The following ASTN1 variants were observed in gnomAD, a reference collection of about 807,000 sequenced individuals.
ASTN1 encodes astrotactin 1.
In ASTN1, 41 loss-of-function variants were observed where a neutral mutation model predicts 140.7. The observed-to-expected ratio is 0.29, with a 90% confidence interval of 0.23 to 0.38. The LOEUF is 0.38. ASTN1 is among the 10% of genes least tolerant of loss of function. The pLI, the probability that ASTN1 is intolerant of heterozygous loss-of-function variation, is 1.00. For synonymous variants in ASTN1, 640 were observed against 652.2 expected, an observed-to-expected ratio of 0.98 and a Z score of 0.29; for missense variants, 1,479 against 1,678.8, an observed-to-expected ratio of 0.88 and a Z score of 2.08.
chr1:177,063,415 G>T (rs1393868293), intron 1 of ASTN1, among the ~76,000 whole-genome samples: 2 of 152,132 alleles, frequency 1.3e-5, no homozygotes, highest in African/African-American at 4.8e-5. Context: ...TGGGCAGAGG[G>T]TGTGAGGACG....
chr1:176,946,001 A>G lies in ASTN1; in HGVS notation c.2174T>C (p.Phe725Ser), dbSNP rs748874429. ...GTTGTAACCAAAGAACATCTCCCCA[A>G]AGAGGGTCTGGTTCATGGGAAGCTC... ...SRELPMNQTL[F>S]GEMFFGYNNH... The change falls in exon 13 of 23, where the codon TTT becomes TCT. Residue 725 changes from phenylalanine to serine, a missense_variant. Physicochemically the swap from Phe to Ser is radical, Grantham distance 155. Transcript: ENST00000361833. 1.2e-6 allele frequency: 2 copies of G among 1,614,110 alleles called. No individual in the cohort carries two copies. Among genetic ancestry groups the G allele is most frequent in the Non-Finnish European group, 1.7e-6 (2 of 1,179,982 alleles).
At chr1:177,001,747 C>G (rs1051219579) in intron 8 of ASTN1, among the ~76,000 whole-genome samples, 2 of 152,200 alleles carry the variant, frequency 1.3e-5, no homozygotes, top group Admixed American at 6.5e-5. Flanking sequence ...CCCACACCTG[C>G]AGGGCAGAGT....
intron 12 of ASTN1, among the ~76,000 whole-genome samples, chr1:176,948,250 A>G (rs1672035021): frequency 6.6e-6 from 1 of 150,946 alleles, no homozygotes; most frequent in Non-Finnish European, 1.5e-5. Flanking sequence ...AGTTTGTGGC[A>G]TAAAGTAAGT....
chr1:177,038,843 A>AAGGAAG (rs1162414861), intron 2 of ASTN1, among the ~76,000 whole-genome samples: 1 of 152,204 alleles, frequency 6.6e-6, no homozygotes, highest in Non-Finnish European at 1.5e-5. Flanking sequence ...ACAGGCATAA[A>AAGGAAG]AGGAAGACAA....
chr1:177,076,278 CAAAAA>C (rs1171864161), intron 1 of ASTN1, among the ~76,000 whole-genome samples: 1 of 77,748 alleles, frequency 1.3e-5, no homozygotes, highest in Non-Finnish European at 2.4e-5. Flanking sequence ...GACTATGTCT[CAAAAA>C]AAAAAAAAAA....
intron 1 of ASTN1, among the ~76,000 whole-genome samples, chr1:177,096,129 C>T (rs1680014638): frequency 6.6e-6 from 1 of 152,182 alleles, no homozygotes; most frequent in Non-Finnish European, 1.5e-5. Flanking sequence ...ACTTATCCCA[C>T]CATTTGTATT....
At chr1:176,966,837 A>T (rs34689615) in intron 8 of ASTN1, among the ~76,000 whole-genome samples, 7,206 of 152,060 alleles carry the variant, frequency 0.047, 209 homozygotes, top group African/African-American at 0.075. Context: ...AAATATTAAC[A>T]GTTATATCAT....
At chr1:176,929,747 G>A (rs184759176) in intron 16 of ASTN1, among the ~76,000 whole-genome samples, 4 of 152,320 alleles carry the variant, frequency 2.6e-5, no homozygotes, top group South Asian at 2.1e-4. Context: ...GGTGGCTCAC[G>A]CCAGTAATCC....
At chr1:177,090,940 G>T (rs939091748) in intron 1 of ASTN1, among the ~76,000 whole-genome samples, 3 of 151,800 alleles carry the variant, frequency 2.0e-5, no homozygotes, top group Non-Finnish European at 4.4e-5. Context: ...AGATGGGTGG[G>T]GGGCTGGGGG....
rs377503308 is a variant in ASTN1, at chr1:177,032,524, C to G, written c.797G>C (p.Ser266Thr). 102 of 1,614,146 alleles carry G rather than the reference C, an allele frequency of 6.3e-5. No homozygotes were observed. In the African/African-American group the frequency reaches 1.1e-3, roughly 18 times the overall value. ...GGAGTCGAGGGTGCGCGTGACCTGG[C>G]TGGCAAAGTCCTCCCCTCCGTTCAT... ...ECMNGGEDFASQVTRTLDSLQ... is the reference protein window; with the variant it reads ...ECMNGGEDFATQVTRTLDSLQ... The change falls in exon 3 of 23, where the codon AGC (serine) becomes ACC (threonine). Residue 266 changes from serine (S) to threonine (T), a missense_variant. Physicochemically the swap from Ser to Thr is moderately conservative, Grantham distance 58 (BLOSUM62 1). This residue lies in a region of ASTN1 where 729 missense variants were observed against 860.4 expected (regional missense o/e 0.85). Coordinates refer to ENST00000361833, the MANE Select transcript of ASTN1 (RefSeq NM_004319.3).
At chr1:176,914,405 C>A (rs1273601507) in intron 16 of ASTN1, among the ~76,000 whole-genome samples, 2 of 152,168 alleles carry the variant, frequency 1.3e-5, no homozygotes, top group African/African-American at 4.8e-5. Context: ...GTAAATTATT[C>A]AGGGCAGAGA....
intron 20 of ASTN1, among the ~76,000 whole-genome samples, chr1:176,880,360 C>T (rs1668745423): frequency 6.6e-6 from 1 of 152,178 alleles, no homozygotes; most frequent in South Asian, 2.1e-4. Flanking sequence ...GGTTTCTGCC[C>T]ATCCCTCTGA....
intron 2 of ASTN1, among the ~76,000 whole-genome samples, chr1:177,045,842 A>G (rs1677190801): frequency 6.6e-6 from 1 of 152,216 alleles, no homozygotes; most frequent in African/African-American, 2.4e-5. Flanking sequence ...AGAGAAGTCA[A>G]AACTTGTAAT....
intron 21 of ASTN1, among the ~76,000 whole-genome samples, chr1:176,874,253 A>G (rs904071870): frequency 3.3e-5 from 5 of 152,182 alleles, no homozygotes; most frequent in African/African-American, 1.2e-4. Flanking sequence ...GGAGTTTTCA[A>G]TGCCAGTTTT....
At chr1:177,007,317 G>C (rs1338091228) in intron 8 of ASTN1, among the ~76,000 whole-genome samples, 1 of 152,132 alleles carries the variant, frequency 6.6e-6, no homozygotes, top group Non-Finnish European at 1.5e-5. Flanking sequence ...CCTTGAACCT[G>C]GGAGGTGAAG....
At position 176,934,286 on chromosome 1, in the gene ASTN1, A is replaced by G; in HGVS notation, c.2537T>C (p.Val846Ala). 6.2e-7 allele frequency: 1 copy of G among 1,613,994 alleles called. No individual in the cohort carries two copies. The highest frequency in any genetic ancestry group is 8.5e-7 in the Non-Finnish European group (1 of 1,179,908). ...GTTGCCGAACTGGTCCAACAGCGCC[A>G]CAAAATCTGCACGAGATGTAGCCCC... is the stretch of plus-strand genomic sequence containing the variant. ...LDGATSRADF[V>A]ALLDQFGNHY... Residue 846 changes from valine to alanine, a missense_variant, in exon 16 of 23, where the codon GTG becomes GCG. Coordinates refer to ENST00000361833, the MANE Select transcript of ASTN1 (RefSeq NM_004319.3).
rs1205060493 is a variant in ASTN1, at chr1:176,953,859, T to TA, written c.1887+3818dup. Among the ~76,000 whole-genome samples the TA allele has an allele frequency of 1.8e-4, 28 of 152,240 alleles. 1 individual carries two copies. The highest frequency in any genetic ancestry group is 1.8e-3 in the Admixed American group (28 of 15,282). On this transcript the variant is annotated intron_variant, in intron 11 of 22. Coordinates refer to ENST00000361833, the MANE Select transcript of ASTN1 (RefSeq NM_004319.3). ...CAGGCTGCTCACCTGTGTACATTCT[T>TA]ACGTCTTACAAAGCTAAGGCATTTT...
chr1:177,109,590 G>A (rs867088564), intron 1 of ASTN1, among the ~76,000 whole-genome samples: 3 of 152,148 alleles, frequency 2.0e-5, no homozygotes, highest in Admixed American at 6.5e-5. Flanking sequence ...TGTTAAACAA[G>A]AAACACAAGA....
At chr1:177,105,234 C>T (rs1268119967) in intron 1 of ASTN1, among the ~76,000 whole-genome samples, 1 of 152,112 alleles carries the variant, frequency 6.6e-6, no homozygotes, top group Non-Finnish European at 1.5e-5. Flanking sequence ...ACACTGGATA[C>T]TTGGTAGTAA....
Sources: allele counts gnomAD v4.1 joint callset (sites outside exome capture counted in the v4.1 genomes callset), GRCh38; gene constraint gnomAD v4.1.1; regional missense constraint gnomAD v4.1.1; transcripts MANE v1.5; gene names NCBI Gene and HGNC (gene_info 2026-07-23, HGNC 2026-07-21).